TPPP2: variants seen among roughly 807,000 people sequenced by gnomAD.
TPPP2 encodes tubulin polymerization promoting protein family member 2, also known as tubulin polymerization-promoting protein family member 2.
Under a neutral mutation model 13.0 loss-of-function variants are expected in TPPP2, and 8 were observed. The ratio of observed to expected loss-of-function variants is 0.62; its 90% CI spans 0.36 to 1.11. The LOEUF (loss-of-function observed/expected upper bound fraction) is 1.11, where lower values mean the gene tolerates loss of function less well. Among genes scored for constraint, TPPP2 ranks in the 50% most tolerant of loss-of-function variants. The pLI, the probability that TPPP2 is intolerant of heterozygous loss-of-function variation, is 0.02. For missense variants in TPPP2, 213 were observed against 216.9 expected, an observed-to-expected ratio of 0.98 and a Z score of 0.11; for synonymous variants, 81 against 81.8, an observed-to-expected ratio of 0.99 and a Z score of 0.05.
rs1884301387 is a variant in TPPP2, at chr14:21,032,618, G to A, written c.*541G>A. On this transcript the variant is annotated 3_prime_UTR_variant, in exon 4 of 4. Coordinates refer to ENST00000321760, the MANE Select transcript of TPPP2 (RefSeq NM_173846.5). ...AATTTGTTCCAGAGCTGGGGTAAGG[G>A]GAGAGTCTATTTTCAACACCCAGCC... is the stretch of plus-strand genomic sequence containing the variant. The A allele has an allele frequency of 2.9e-6, 1 of 343,988 alleles. No homozygotes were observed. The highest frequency in any genetic ancestry group is 5.6e-6 in the Non-Finnish European group (1 of 177,294). 21.3% of individuals were successfully genotyped at this position (343,988 alleles called of 1,614,324 possible).
chr14:21,029,795 A>C (rs547061537), upstream of TPPP2, among the ~76,000 whole-genome samples: 6 of 152,270 alleles, frequency 3.9e-5, no homozygotes, highest in East Asian at 9.6e-4. Context: ...GGTGCCATCT[A>C]TGGACCGGAA....
At chr14:21,029,903 C>A (rs1362825230), upstream of TPPP2, among the ~76,000 whole-genome samples, 1 of 152,156 alleles carries the variant, frequency 6.6e-6, no homozygotes, top group Non-Finnish European at 1.5e-5. Context: ...TTATAAGCCA[C>A]CCAGTTTGAT....
In TPPP2 at chr14:21,032,126, C is replaced by T. The variant is rs777518519; in HGVS notation, c.*49C>T. On this transcript the variant is annotated 3_prime_UTR_variant, in exon 4 of 4. Transcript: ENST00000321760. ...TAGCCCCCTGACCCTGCATGTTTAA[C>T]ACCAGGGAGCTTGGAAAACAATAAA... is the stretch of plus-strand genomic sequence containing the variant. 6.4e-7 allele frequency: 1 copy of T among 1,566,474 alleles called. No homozygotes were observed. The highest frequency in any genetic ancestry group is 8.8e-7 in the Non-Finnish European group (1 of 1,140,504).
At position 21,030,526 on chromosome 14, in the gene TPPP2, T is replaced by G; in HGVS notation, c.-56T>G. ...ATTACTCCACAGTCCTCCCTCCCCC[T>G]TCTCCTTCACCCCCAAGTGTCTCCC... is the stretch of plus-strand genomic sequence containing the variant. On this transcript the variant is annotated 5_prime_UTR_variant, in exon 2 of 4. Coordinates refer to ENST00000321760, the MANE Select transcript of TPPP2 (RefSeq NM_173846.5). 1.3e-6 allele frequency: 2 copies of G among 1,542,894 alleles called. No homozygotes were observed. The highest frequency in any genetic ancestry group is 1.8e-6 in the Non-Finnish European group (2 of 1,128,862).
rs1381441167 is a variant in TPPP2, at chr14:21,030,510, C to T, written c.-69-3C>T. On this transcript the variant is annotated splice_polypyrimidine_tract_variant and splice_region_variant and intron_variant, in intron 1 of 3. Transcript: ENST00000321760. ...CATAACACTCATCCTCATTACTCCA[C>T]AGTCCTCCCTCCCCCTTCTCCTTCA... The T allele has an allele frequency of 6.7e-7, 1 of 1,486,914 alleles. No individual in the cohort carries two copies. Among genetic ancestry groups the T allele is most frequent in the African/African-American group, 1.4e-5 (1 of 72,524 alleles). 92.1% of individuals were successfully genotyped at this position (1,486,914 alleles called of 1,614,324 possible). A position where few individuals can be genotyped will look rare whatever the true frequency, so the allele number is the denominator to read the frequency against.
At chr14:21,034,394 A>G, downstream of TPPP2, 2 of 796,452 alleles carry the variant, frequency 2.5e-6, no homozygotes, top group Non-Finnish European at 4.0e-6. Context: ...AGTACTTTAG[A>G]GATCATCTCA....
At position 21,030,874 on chromosome 14, in the gene TPPP2, G is replaced by A. The variant is rs150045927; in HGVS notation, c.173+120G>A. The A allele has an allele frequency of 1.1e-4, 165 of 1,503,696 alleles. 1 individual carries two copies. In the East Asian group the frequency reaches 3.2e-3, roughly 29 times the overall value. The allele number at this position is 1,503,696 out of a possible 1,614,324, so 93.1% of individuals were successfully genotyped here. On this transcript the variant is annotated intron_variant, in intron 2 of 3. Transcript: ENST00000321760. Reference sequence around the variant, plus strand: ...TACCAAGCACCACAGGGTACCTGGCGCTGTGCTATCCTTTGTCTTCGAGAC... The same window carrying A: ...TACCAAGCACCACAGGGTACCTGGCACTGTGCTATCCTTTGTCTTCGAGAC...
At chr14:21,026,890 G>C (rs1056913013), upstream of TPPP2, among the ~76,000 whole-genome samples, 1 of 152,174 alleles carries the variant, frequency 6.6e-6, no homozygotes, top group Non-Finnish European at 1.5e-5. Flanking sequence ...CCAAAGGTGC[G>C]CAAGACAGGA....
upstream of TPPP2, among the ~76,000 whole-genome samples, chr14:21,029,704 T>G (rs1883929523): frequency 6.6e-6 from 1 of 152,166 alleles, no homozygotes; most frequent in Non-Finnish European, 1.5e-5. Context: ...GGCAGAGCCT[T>G]TCTGAATGGG....
upstream of TPPP2, chr14:21,028,836 G>T (rs1883872648): frequency 6.6e-6 from 1 of 152,052 alleles, no homozygotes; most frequent in South Asian, 2.1e-4. Context: ...CAATAGGAAT[G>T]GAAAGAAAGG....
downstream of TPPP2, chr14:21,033,696 T>A: frequency 1.3e-6 from 1 of 742,758 alleles, no homozygotes; most frequent in Non-Finnish European, 2.4e-6. Context: ...ACCCACCTGG[T>A]CTCTTGGGAG....
upstream of TPPP2, chr14:21,025,677 C>G: frequency 4.1e-6 from 4 of 985,322 alleles, no homozygotes; most frequent in Non-Finnish European, 3.6e-6. This position sits in a 1 kb window ranked among gnomAD's most constrained non-coding sequence, Gnocchi z 5.1. Context: ...GTCCTGGTAC[C>G]TCTCCTCTCT....
upstream of TPPP2, chr14:21,025,667 G>A (rs1883483026): frequency 1.0e-6 from 1 of 985,216 alleles, no homozygotes. This position sits in a 1 kb window ranked among gnomAD's most constrained non-coding sequence, Gnocchi z 5.1. Flanking sequence ...CGTGCCCAGA[G>A]TCCTGGTACC....
upstream of TPPP2, among the ~76,000 whole-genome samples, chr14:21,028,780 T>C (rs1258285108): frequency 6.6e-6 from 1 of 151,714 alleles, no homozygotes; most frequent in African/African-American, 2.4e-5. Flanking sequence ...GAAACCAGAG[T>C]AGTCATCCAA....
intron 1 of TPPP2, 22 bp from the exon 2 acceptor site, chr14:21,030,491 A>G (rs1884001520): frequency 1.5e-6 from 2 of 1,332,320 alleles, no homozygotes; most frequent in African/African-American, 2.9e-5. Context: ...TTACCATAAC[A>G]CTCATCCTCA....
Position 21,031,141 on chromosome 14 carries a change from A to C in TPPP2, c.303A>C (p.Lys101Asn). 2 of 1,614,044 alleles carry C rather than the reference A, an allele frequency of 1.2e-6. No homozygotes were observed. The highest frequency in any genetic ancestry group is 2.2e-5 in the South Asian group (2 of 91,072). The change falls in exon 3 of 4, where the codon AAA becomes AAC. Residue 101 changes from lysine to asparagine, a missense_variant. Lys to Asn is a moderately conservative substitution (Grantham distance 94, BLOSUM62 0). Transcript: ENST00000321760. ...ACATTTATGGACTCATGGAGGGCAA[A>C]GACCCAGCCACCACTGGCGCTACTG... ...LENIYGLMEG[K>N]DPATTGATKA...
At chr14:21,028,596 A>G (rs1301262662), upstream of TPPP2, 1 of 152,164 alleles carries the variant, frequency 6.6e-6, no homozygotes, top group East Asian at 1.9e-4. Flanking sequence ...TTGAATGCTA[A>G]GCAAAAAGAT....
chr14:21,025,042 G>T lies in TPPP2; in HGVS notation n.236+698G>T, dbSNP rs1883149936. The T allele has an allele frequency of 2.0e-6, 2 of 985,790 alleles. No homozygotes were observed. Among genetic ancestry groups the T allele is most frequent in the African/African-American group, 1.7e-5 (1 of 57,278 alleles). 61.1% of individuals were successfully genotyped at this position (985,790 alleles called of 1,614,324 possible). A position where few individuals can be genotyped will look rare whatever the true frequency, so the allele number is the denominator to read the frequency against. On this transcript the variant is annotated intron_variant and non_coding_transcript_variant, in intron 1 of 1. Coordinates refer to the TPPP2 transcript ENST00000533755. The surrounding 1 kb of genome is among the most constrained non-coding windows in gnomAD (Gnocchi z 5.1). The stretch of plus-strand genomic sequence containing the variant: ...CCCTCCCCCTACCTGCTGCCGCCGC[G>T]GCCGCTTCCACCTTCACTTGCCTTT...
At chr14:21,028,688 T>A (rs1883861887), upstream of TPPP2, among the ~76,000 whole-genome samples, 1 of 152,084 alleles carries the variant, frequency 6.6e-6, no homozygotes, top group African/African-American at 2.4e-5. Context: ...TTTGTGAAAA[T>A]TAATCTGATG....
Sources: gnomAD v4.1 joint callset for allele counts (sites outside exome capture counted in the v4.1 genomes callset) on GRCh38, gnomAD v4.1.1 for gene constraint, Gnocchi (gnomAD v3.1) non-coding constraint, MANE v1.5 for transcripts, NCBI Gene and HGNC (gene_info 2026-07-23, HGNC 2026-07-21) for gene names.